CUL7: variants seen among roughly 807,000 people sequenced by gnomAD.
CUL7 encodes the protein cullin 7, also known as cullin-7.
A neutral mutation model predicts 177.7 loss-of-function variants in CUL7; 96 were observed. The ratio of observed to expected loss-of-function variants is 0.54; its 90% CI spans 0.46 to 0.64. The LOEUF is 0.64. CUL7 is among the 30% of genes least tolerant of loss of function. The pLI, the probability that CUL7 is intolerant of heterozygous loss-of-function variation, is 0.00. For synonymous variants in CUL7, 824 were observed against 890.2 expected (o/e 0.93, Z 1.32); for missense variants, 1,893 against 2,187.9 (o/e 0.87, Z 2.69).
intron 15 of CUL7, 107 bp from the exon 16 acceptor site, chr6:43,044,992 G>T: frequency 6.6e-7 from 1 of 1,518,154 alleles, no homozygotes; most frequent in Non-Finnish European, 9.0e-7. Context: ...CAAACCGAAG[G>T]CCCCCTGGTA....
chr6:43,047,838 G>C (rs1764045376), intron 9 of CUL7: 1 of 392,020 alleles, frequency 2.6e-6, no homozygotes, highest in Non-Finnish European at 4.6e-6. Flanking sequence ...TTGCATAAGG[G>C]AACACGGGAA....
intron 9 of CUL7, 36 bp downstream of exon 9, chr6:43,048,112 C>G: frequency 1.4e-6 from 2 of 1,426,426 alleles, no homozygotes; most frequent in Non-Finnish European, 2.0e-6. Flanking sequence ...CCTTTATCCT[C>G]TCCCCCAGCC....
At chr6:43,044,141 G>A (rs866663024) in intron 16 of CUL7, among the ~76,000 whole-genome samples, 1 of 152,064 alleles carries the variant, frequency 6.6e-6, no homozygotes, top group Non-Finnish European at 1.5e-5. Context: ...TGACCAACAT[G>A]GAGAAACCCC....
rs1433590023 is a variant in CUL7 at position 43,037,840 on chromosome 6, G to A, written c.4945C>T (p.Pro1649Ser). 1.9e-6 allele frequency: 3 copies of A among 1,613,006 alleles called. No homozygotes were observed. Among genetic ancestry groups the A allele is most frequent in the Non-Finnish European group, 2.5e-6 (3 of 1,179,564 alleles). ...GTGTGAGGCTCCATGACAGTCACAG[G>A]GACTGCATAGGACAGCACCTGGGGC... ...DRPQVLSYAV[P>S]VTVMEPHTES... is the part of the protein sequence containing the mutation. The change falls in exon 26 of 26, where the codon CCT (proline) becomes TCT (serine). Residue 1649 changes from proline (P) to serine (S), a missense_variant. Transcript: ENST00000265348.
rs776085552 is a variant in CUL7, at chr6:43,038,850, C to T, written c.4432G>A (p.Asp1478Asn). ...VQMWLLLYLN[D>N]LKAVSVESLL... The stretch of plus-strand genomic sequence containing the variant: ...CAGCGGGGCTGGGCCACCTTCAGGT[C>T]GTTGAGATACAGCAGTAGCCACATC... The change falls in exon 23 of 26, where the codon GAC (aspartate) becomes AAC (asparagine). Residue 1478 changes from aspartate (D) to asparagine (N), a missense_variant. By Grantham distance (23) the Asp-to-Asn change is conservative. This residue lies in a region of CUL7 where 16 missense variants were observed against 40.0 expected (regional missense o/e 0.40). Transcript: ENST00000265348. The T allele has an allele frequency of 2.0e-5, 32 of 1,614,034 alleles. No individual in the cohort carries two copies. The Middle Eastern group carries it at 4.9e-4, about 25-fold the overall frequency.
intron 10 of CUL7, 25 bp downstream of exon 10, chr6:43,046,855 C>G: frequency 6.9e-7 from 1 of 1,440,102 alleles, no homozygotes; most frequent in South Asian, 1.1e-5. Flanking sequence ...CCACTCTAAG[C>G]CCACAAGCTC....
In CUL7 at chr6:43,049,499, G is replaced by A. The variant is rs767766613; in HGVS notation, c.1733C>T (p.Ala578Val). 3.1e-6 allele frequency: 5 copies of A among 1,614,100 alleles called. No homozygotes were observed. The African/African-American group carries it at 4.0e-5, about 13-fold the overall frequency. ...TTGGGCTTCTAGAAGGGATGGGTAGGCTTGGTTCCCTGCTAGGGCTTCAGG... is the reference window on the plus strand; with the variant it reads ...TTGGGCTTCTAGAAGGGATGGGTAGACTTGGTTCCCTGCTAGGGCTTCAGG... ...YGPEALAGNQ[A>V]YPSLLEAQED... Residue 578 changes from alanine to valine, a missense_variant, in exon 7 of 26, where the codon GCC (alanine) becomes GTC (valine). Ala to Val is a moderately conservative substitution (Grantham distance 64). Around this residue, in one of 5 missense-constraint regions of CUL7, gnomAD observed 973 missense variants for 1,140.9 expected, o/e 0.85. Coordinates refer to ENST00000265348, the MANE Select transcript of CUL7 (RefSeq NM_014780.5).
At chr6:43,041,173 G>C in intron 19 of CUL7, 98 bp from the exon 20 acceptor site, 3 of 1,197,296 alleles carry the variant, frequency 2.5e-6, no homozygotes, top group Non-Finnish European at 3.7e-6. Flanking sequence ...ATGAATGCTG[G>C]CAGCTTTCTA....
Position 43,050,974 on chromosome 6 carries a change from A to T in CUL7, c.1227T>A (p.Pro409=). 1 of 1,614,056 alleles carries T rather than the reference A, an allele frequency of 6.2e-7. No individual in the cohort carries two copies. Among genetic ancestry groups the T allele is most frequent in the Non-Finnish European group, 8.5e-7 (1 of 1,180,010 alleles). Residue 409 remains proline, a synonymous_variant, in exon 4 of 26, where the codon CCT becomes CCA. Coordinates refer to ENST00000265348, the MANE Select transcript of CUL7 (RefSeq NM_014780.5). This position sits in a 1 kb window ranked among gnomAD's most constrained non-coding sequence, Gnocchi z 4.1. ...EFRQSNNGVP[P]VQVFWESTGR... ...ACCACCATGTGCCACTCACCTGCAC[A>T]GGAGGCACACCGTTGTTGCTCTGCC... is the stretch of plus-strand genomic sequence containing the variant.
At position 43,043,358 on chromosome 6, in the gene CUL7, G is replaced by T; in HGVS notation, c.3355+90C>A. On this transcript the variant is annotated intron_variant, in intron 17 of 25. Transcript: ENST00000265348. This position sits in a 1 kb window ranked among gnomAD's most constrained non-coding sequence, Gnocchi z 4.2. ...AGGCTGAGCCCATAGGGAGGGGAAGGATGGGGATGGACAGAAGCCTGTGGT... is the reference window on the plus strand; with the variant it reads ...AGGCTGAGCCCATAGGGAGGGGAAGTATGGGGATGGACAGAAGCCTGTGGT... 1 of 1,367,196 alleles carries T rather than the reference G, an allele frequency of 7.3e-7. No individual in the cohort carries two copies. Among genetic ancestry groups the T allele is most frequent in the Non-Finnish European group, 1.0e-6 (1 of 960,636 alleles). 84.7% of individuals were successfully genotyped at this position (1,367,196 alleles called of 1,614,324 possible).
Position 43,051,782 on chromosome 6 carries a change from T to C in CUL7, c.581-19A>G, listed in dbSNP as rs1406950070. The stretch of plus-strand genomic sequence containing the variant: ...CGGGTCCCTGTAACCCACACCCCAG[T>C]TGGTAACTTCTCCCTAATCTCACCC... On this transcript the variant is annotated intron_variant, in intron 2 of 25. Transcript: ENST00000265348. This position sits in a 1 kb window ranked among gnomAD's most constrained non-coding sequence, Gnocchi z 5.0. The C allele has an allele frequency of 1.9e-6, 3 of 1,614,026 alleles. No individual in the cohort carries two copies. The highest frequency in any genetic ancestry group is 1.7e-5 in the Admixed American group (1 of 60,024).
Position 43,043,349 on chromosome 6 carries a change from G to T in CUL7, c.3355+99C>A. 7.6e-7 allele frequency: 1 copy of T among 1,310,440 alleles called. No individual in the cohort carries two copies. Among genetic ancestry groups the T allele is most frequent in the Admixed American group, 1.7e-5 (1 of 57,484 alleles). The allele number at this position is 1,310,440 out of a possible 1,614,324, so 81.2% of individuals were successfully genotyped here. A position where few individuals can be genotyped will look rare whatever the true frequency, so the allele number is the denominator to read the frequency against. On this transcript the variant is annotated intron_variant, in intron 17 of 25. Transcript: ENST00000265348. The surrounding 1 kb of genome is among the most constrained non-coding windows in gnomAD (Gnocchi z 4.2). The stretch of plus-strand genomic sequence containing the variant: ...AAGATGAACAGGCTGAGCCCATAGG[G>T]AGGGGAAGGATGGGGATGGACAGAA...
intron 19 of CUL7, among the ~76,000 whole-genome samples, chr6:43,042,024 GGAA>G (rs1288675476): frequency 1.6e-4 from 19 of 119,598 alleles, no homozygotes; most frequent in African/African-American, 4.4e-4. Context: ...AAAAAAAAAA[GGAA>G]GAAGAAAGAA....
Position 43,038,972 on chromosome 6 carries a change from G to T in CUL7, c.4310C>A (p.Ala1437Asp). ...NFYNKSQSHP[A>D]LERGSQRRLQ... ...TCGCCTCTGTGAGCCTCGCTCAAGG[G>T]CAGGGTGGCTCTGACCTGGACCAGG... The change falls in exon 23 of 26, where the codon GCC (alanine) becomes GAC (aspartate). Residue 1437 changes from alanine (A) to aspartate (D), a missense_variant. Ala to Asp is a moderately radical substitution (Grantham distance 126). Transcript: ENST00000265348. 6.2e-7 allele frequency: 1 copy of T among 1,609,948 alleles called. No homozygotes were observed. The highest frequency in any genetic ancestry group is 8.5e-7 in the Non-Finnish European group (1 of 1,176,162).
rs1347693411 is a variant in CUL7, at chr6:43,050,696, C to G, written c.1233+272G>C. Among the ~76,000 whole-genome samples the G allele has an allele frequency of 6.6e-6, 1 of 151,952 alleles. No homozygotes were observed. Among genetic ancestry groups the G allele is most frequent in the Non-Finnish European group, 1.5e-5 (1 of 67,988 alleles). ...CCCCACACTTCCTTCTGGCCTCCAC[C>G]ACTCCATCTCCCTGACCCTGACCTT... On this transcript the variant is annotated intron_variant, in intron 4 of 25. Coordinates refer to ENST00000265348, the MANE Select transcript of CUL7 (RefSeq NM_014780.5). This position sits in a 1 kb window ranked among gnomAD's most constrained non-coding sequence, Gnocchi z 4.1.
Position 43,040,285 on chromosome 6 carries a change from C to G in CUL7, c.4165G>C (p.Val1389Leu), listed in dbSNP as rs1027095171. ...DLYYEGAMPE[V>L]SVLVLSRHSW... ...TGTCGGGACAGGACAAGCACAGACACTTCTGGCATTGCCCCTTCATAGTAG... is the reference window on the plus strand; with the variant it reads ...TGTCGGGACAGGACAAGCACAGACAGTTCTGGCATTGCCCCTTCATAGTAG... Residue 1389 changes from valine (V) to leucine (L), a missense_variant, in exon 22 of 26, where the codon GTG becomes CTG. Val to Leu is a conservative substitution (Grantham distance 32). This residue lies in a region of CUL7 where 973 missense variants were observed against 1,140.9 expected (regional missense o/e 0.85). Coordinates refer to ENST00000265348, the MANE Select transcript of CUL7 (RefSeq NM_014780.5). The surrounding 1 kb of genome is among the most constrained non-coding windows in gnomAD (Gnocchi z 4.2). 1 of 1,614,154 alleles carries G rather than the reference C, an allele frequency of 6.2e-7. No individual in the cohort carries two copies.
chr6:43,052,756 C>A lies in CUL7; in HGVS notation c.33G>T (p.Arg11Ser). The part of the protein sequence containing the change: MVGELRYREF[R>S]VPLGPGLHAY... The stretch of plus-strand genomic sequence containing the variant: ...CATGTAAGCCGGGCCCCAGGGGCAC[C>A]CTGAATTCCCTGTAGCGGAGTTCTC... Residue 11 changes from arginine to serine, a missense_variant, in exon 2 of 26, where the codon AGG becomes AGT. Around this residue, in one of 5 missense-constraint regions of CUL7, gnomAD observed 653 missense variants for 725.2 expected, o/e 0.90. Transcript: ENST00000265348. This position sits in a 1 kb window ranked among gnomAD's most constrained non-coding sequence, Gnocchi z 4.5. 2 of 1,608,702 alleles carry A rather than the reference C, an allele frequency of 1.2e-6. No homozygotes were observed. The highest frequency in any genetic ancestry group is 1.7e-6 in the Non-Finnish European group (2 of 1,180,010).
chr6:43,045,372 C>G lies in CUL7; in HGVS notation c.2893G>C (p.Glu965Gln). The change falls in exon 15 of 26, where the codon GAG becomes CAG. Residue 965 changes from glutamate (E) to glutamine (Q), a missense_variant. Transcript: ENST00000265348. This position sits in a 1 kb window ranked among gnomAD's most constrained non-coding sequence, Gnocchi z 4.8. Reference sequence around the variant, plus strand: ...AACGTGGGCTTGGGGCCTAGGATCTCTAACCCCCGAATGCGCGTATCAATG... The same window carrying G: ...AACGTGGGCTTGGGGCCTAGGATCTGTAACCCCCGAATGCGCGTATCAATG... ...GGIDTRIRGL[E>Q]ILGPKPTFWP... The G allele has an allele frequency of 6.2e-7, 1 of 1,614,214 alleles. No homozygotes were observed. The highest frequency in any genetic ancestry group is 8.5e-7 in the Non-Finnish European group (1 of 1,180,044).
Position 43,051,778 on chromosome 6 carries a change from C to T in CUL7, c.581-15G>A. On this transcript the variant is annotated splice_polypyrimidine_tract_variant and intron_variant, in intron 2 of 25. Transcript: ENST00000265348. The surrounding 1 kb of genome is among the most constrained non-coding windows in gnomAD (Gnocchi z 5.0). ...AGTCCGGGTCCCTGTAACCCACACC[C>T]CAGTTGGTAACTTCTCCCTAATCTC... 1 of 1,614,090 alleles carries T rather than the reference C, an allele frequency of 6.2e-7. No individual in the cohort carries two copies. The highest frequency in any genetic ancestry group is 1.7e-5 in the Admixed American group (1 of 60,018).
Sources: gnomAD v4.1 joint callset for allele counts (sites outside exome capture counted in the v4.1 genomes callset) on GRCh38, gnomAD v4.1.1 for gene constraint, gnomAD v4.1.1 regional missense constraint, Gnocchi (gnomAD v3.1) non-coding constraint, MANE v1.5 for transcripts, NCBI Gene and HGNC (gene_info 2026-07-23, HGNC 2026-07-21) for gene names.